The following ERBB4 variants were observed in gnomAD, a reference collection of about 807,000 sequenced individuals.
ERBB4 encodes the protein receptor tyrosine-protein kinase erbB-4.
ERBB4 carries 42 observed loss-of-function variants against 158.0 expected under a neutral mutation model. That is an observed-to-expected ratio of 0.27 (90% CI 0.21 to 0.34). ERBB4 has a LOEUF of 0.34. Among genes scored for constraint, ERBB4 ranks in the 10% least tolerant of loss-of-function variants. The pLI is 1.00. For synonymous variants in ERBB4, 583 were observed against 558.7 expected (o/e 1.04, Z -0.61); for missense variants, 1,333 against 1,624.1 (o/e 0.82, Z 3.08).
chr2:211,384,343 T>C (rs1244616821), intron 27 of ERBB4, among the ~76,000 whole-genome samples: 1 of 152,186 alleles, frequency 6.6e-6, no homozygotes, highest in Non-Finnish European at 1.5e-5. Context: ...CTCTTCTGCA[T>C]ATGGGGCTGG....
intron 20 of ERBB4, among the ~76,000 whole-genome samples, chr2:211,441,299 C>G (rs1047220883): frequency 2.0e-5 from 3 of 152,112 alleles, no homozygotes; most frequent in Non-Finnish European, 4.4e-5. Flanking sequence ...TACCAGATAT[C>G]ATCACATTAC....
chr2:211,958,179 A>T (rs1397211669), intron 2 of ERBB4, among the ~76,000 whole-genome samples: 1 of 152,086 alleles, frequency 6.6e-6, no homozygotes, highest in Admixed American at 6.6e-5. Context: ...ATTAATTTAT[A>T]AAAAAACAAA....
chr2:211,869,527 A>G (rs577241829), intron 3 of ERBB4, among the ~76,000 whole-genome samples: 87 of 152,322 alleles, frequency 5.7e-4, no homozygotes, highest in African/African-American at 1.9e-3. Context: ...CTATCACTAC[A>G]AAAGTGAGTT....
chr2:212,318,561 G>A (rs72949512), intron 1 of ERBB4, among the ~76,000 whole-genome samples: 12,018 of 151,502 alleles, frequency 0.079, 707 homozygotes, highest in African/African-American at 0.16. Context: ...AAAAAGAAGT[G>A]TAATAATATA....
In ERBB4 at chr2:211,516,265, T is replaced by C. The variant is rs542635946; in HGVS notation, c.2487+45638A>G. On this transcript the variant is annotated intron_variant, in intron 20 of 27. Coordinates refer to ENST00000342788, the MANE Select transcript of ERBB4 (RefSeq NM_005235.3). Reference sequence around the variant, plus strand: ...CACAGCCATATCTGTAGGTAACACATTAATTTTTAGCCTTGCTTATGGAAT... The same window carrying C: ...CACAGCCATATCTGTAGGTAACACACTAATTTTTAGCCTTGCTTATGGAAT... Among the ~76,000 whole-genome samples the C allele has an allele frequency of 4.1e-4, 63 of 151,854 alleles. No individual in the cohort carries two copies. The East Asian group carries it at 0.011, about 27-fold the overall frequency.
chr2:211,982,595 G>T (rs1575470848), intron 2 of ERBB4, among the ~76,000 whole-genome samples: 2 of 152,152 alleles, frequency 1.3e-5, no homozygotes, highest in African/African-American at 2.4e-5. Context: ...AATTGTGAAA[G>T]ACTTTGGACA....
At chr2:211,524,427 G>T (rs1182936606) in intron 20 of ERBB4, among the ~76,000 whole-genome samples, 2 of 151,166 alleles carry the variant, frequency 1.3e-5, no homozygotes, top group Middle Eastern at 3.4e-3. Context: ...GTGGAGCAGG[G>T]GGTGGTGCTC....
At chr2:212,165,311 A>AT (rs1559634515) in intron 1 of ERBB4, among the ~76,000 whole-genome samples, 5 of 150,796 alleles carry the variant, frequency 3.3e-5, no homozygotes, top group Non-Finnish European at 7.4e-5. Context: ...TTTTTGCATT[A>AT]ATATATATAT....
intron 1 of ERBB4, among the ~76,000 whole-genome samples, chr2:212,161,897 C>T (rs986390640): frequency 2.0e-5 from 3 of 151,876 alleles, no homozygotes; most frequent in African/African-American, 7.2e-5. Flanking sequence ...CCTTATTAAT[C>T]TTTGCTTCCA....
rs2079699928 is a variant in ERBB4 at position 211,916,648 on chromosome 2, G to C, written c.421+30782C>G. Among the ~76,000 whole-genome samples the C allele has an allele frequency of 1.3e-5, 2 of 152,176 alleles. 1 individual carries two copies. Among genetic ancestry groups the C allele is most frequent in the Non-Finnish European group, 2.9e-5 (2 of 68,012 alleles). On this transcript the variant is annotated intron_variant, in intron 3 of 27. Coordinates refer to ENST00000342788, the MANE Select transcript of ERBB4 (RefSeq NM_005235.3). ...TCCAACAACATGGTTAAAAATATGA[G>C]GGTCTGATTTAAATTAAATATTATC... is the stretch of plus-strand genomic sequence containing the variant.
At chr2:212,264,497 C>T (rs1470299785) in intron 1 of ERBB4, among the ~76,000 whole-genome samples, 2 of 152,050 alleles carry the variant, frequency 1.3e-5, no homozygotes, top group Non-Finnish European at 2.9e-5. Context: ...GCTCTACAGA[C>T]AAGAACTCTC....
At chr2:211,638,048 T>C (rs62185365) in intron 16 of ERBB4, among the ~76,000 whole-genome samples, 1 of 152,146 alleles carries the variant, frequency 6.6e-6, no homozygotes, top group African/African-American at 2.4e-5. Context: ...CTATATTCAT[T>C]GTGATTTACT....
intron 3 of ERBB4, among the ~76,000 whole-genome samples, chr2:211,930,624 C>A (rs1160490198): frequency 1.3e-5 from 2 of 152,064 alleles, no homozygotes; most frequent in African/African-American, 4.8e-5. Context: ...AGCAATTGAG[C>A]TACTGAAAAC....
intron 1 of ERBB4, among the ~76,000 whole-genome samples, chr2:212,293,859 CAAA>C (rs58955695): frequency 1.0e-5 from 1 of 97,544 alleles, no homozygotes; most frequent in African/African-American, 4.7e-5. Flanking sequence ...AAAAAAAAAA[CAAA>C]AAAAAAAAAA....
chr2:212,187,421 T>TAATAAATA (rs71054181), intron 1 of ERBB4, among the ~76,000 whole-genome samples: 4,461 of 146,712 alleles, frequency 0.03, 72 homozygotes, highest in Middle Eastern at 0.042. Flanking sequence ...TAAAGTATAA[T>TAATAAATA]AATAAATAAA....
chr2:212,262,806 A>G (rs543849626), intron 1 of ERBB4, among the ~76,000 whole-genome samples: 1 of 152,166 alleles, frequency 6.6e-6, no homozygotes, highest in Non-Finnish European at 1.5e-5. Flanking sequence ...TATAACAAAA[A>G]CTATAATTCT....
intron 3 of ERBB4, among the ~76,000 whole-genome samples, chr2:211,855,903 T>A (rs118046217): frequency 6.6e-6 from 1 of 152,164 alleles, no homozygotes; most frequent in Non-Finnish European, 1.5e-5. Context: ...AAGATACTTA[T>A]GTATGTAGAA....
intron 5 of ERBB4, among the ~76,000 whole-genome samples, chr2:211,734,621 A>T (rs1416185778): frequency 1.5e-4 from 4 of 26,154 alleles, no homozygotes; most frequent in Non-Finnish European, 2.5e-4. Flanking sequence ...CTGTAGCATT[A>T]AAAAAAAAAA....
chr2:212,156,420 G>T (rs1049954187), intron 1 of ERBB4, among the ~76,000 whole-genome samples: 2 of 152,086 alleles, frequency 1.3e-5, no homozygotes, highest in Non-Finnish European at 2.9e-5. Flanking sequence ...GTGGTGGATA[G>T]GAAAATAATT....
Sources: gnomAD v4.1 joint callset for allele counts (sites outside exome capture counted in the v4.1 genomes callset) on GRCh38, gnomAD v4.1.1 for gene constraint, MANE v1.5 for transcripts, NCBI Gene and HGNC (gene_info 2026-07-23, HGNC 2026-07-21) for gene names.